The following TSPAN2 variants were observed in gnomAD, a reference collection of about 807,000 sequenced individuals.
The protein encoded by TSPAN2 is tetraspanin 2.
TSPAN2 carries 24 observed loss-of-function variants against 33.3 expected under a neutral mutation model. The ratio of observed to expected loss-of-function variants is 0.72; its 90% CI spans 0.52 to 1.01. The LOEUF (loss-of-function observed/expected upper bound fraction) is 1.01. Among genes scored for constraint, TSPAN2 ranks in the 50% least tolerant of loss-of-function variants. The pLI is 0.00. For missense variants in TSPAN2, 278 were observed against 281.3 expected (o/e 0.99, Z 0.08); for synonymous variants, 114 against 104.5 (o/e 1.09, Z -0.56).
chr1:115,053,349 C>A, intron 7 of TSPAN2, 30 bp downstream of exon 7: 1 of 1,597,796 alleles, frequency 6.3e-7, no homozygotes, highest in Non-Finnish European at 8.6e-7. Context: ...TTTTAGAGGG[C>A]AAAAAGGGTA....
chr1:115,051,246 C>T (rs1257243913), intron 7 of TSPAN2, among the ~76,000 whole-genome samples: 20 of 152,026 alleles, frequency 1.3e-4, no homozygotes, highest in Admixed American at 1.3e-3. Flanking sequence ...GAGGTCGAGG[C>T]TGCAGTGAGC....
intron 1 of TSPAN2, among the ~76,000 whole-genome samples, chr1:115,080,847 G>A (rs922372750): frequency 1.3e-4 from 20 of 152,164 alleles, no homozygotes; most frequent in African/African-American, 4.8e-4. Flanking sequence ...CCTGCCCTCT[G>A]CATATATAAT....
At chr1:115,064,831 T>G (rs7528261) in intron 2 of TSPAN2, among the ~76,000 whole-genome samples, 1 of 152,144 alleles carries the variant, frequency 6.6e-6, no homozygotes, top group South Asian at 2.1e-4. Flanking sequence ...CTGGAATATG[T>G]GAAAGAGGGA....
At chr1:115,053,903 C>A (rs1200247400) in intron 6 of TSPAN2, among the ~76,000 whole-genome samples, 1 of 152,126 alleles carries the variant, frequency 6.6e-6, no homozygotes, top group Admixed American at 6.5e-5. Flanking sequence ...TAGGCATGAC[C>A]TATTAAGAAA....
intron 1 of TSPAN2, among the ~76,000 whole-genome samples, chr1:115,076,248 T>G (rs919792349): frequency 6.6e-6 from 1 of 152,190 alleles, no homozygotes; most frequent in Admixed American, 6.5e-5. Context: ...GTTCATTTCC[T>G]TACCTCGATG....
chr1:115,088,039 A>G (rs891691146), intron 1 of TSPAN2, among the ~76,000 whole-genome samples: 1 of 152,216 alleles, frequency 6.6e-6, no homozygotes, highest in East Asian at 1.9e-4. Context: ...TAAAAAATAC[A>G]ACATAAAGGG....
chr1:115,072,967 C>A lies in TSPAN2; in HGVS notation c.110G>T (p.Arg37Leu), dbSNP rs760403770. 5 of 1,614,044 alleles carry A rather than the reference C, an allele frequency of 3.1e-6. No homozygotes were observed. The South Asian group carries it at 3.3e-5, about 11-fold the overall frequency. ...TAACTCCTTTATGGCACCTCCGAAC[C>A]GAAACCATAGTCCAAAAGCAATGAC... The part of the protein sequence containing the change: ...SAVIAFGLWF[R>L]FGGAIKELSS... Residue 37 changes from arginine (R) to leucine (L), a missense_variant, in exon 2 of 8, where the codon CGG becomes CTG. Arg to Leu is a moderately radical substitution (Grantham distance 102). Transcript: ENST00000369516.
intron 7 of TSPAN2, among the ~76,000 whole-genome samples, chr1:115,052,338 G>T (rs898985071): frequency 5.3e-5 from 8 of 152,144 alleles, no homozygotes; most frequent in African/African-American, 1.9e-4. Flanking sequence ...CTTAGTTTAG[G>T]CCATGAATTA....
At chr1:115,084,376 A>G (rs575822309) in intron 1 of TSPAN2, among the ~76,000 whole-genome samples, 17 of 152,306 alleles carry the variant, frequency 1.1e-4, no homozygotes, top group African/African-American at 3.8e-4. Context: ...GCAGGAATAG[A>G]GTCAGGCAGT....
At chr1:115,073,055 G>T in intron 1 of TSPAN2, 48 bp from the exon 2 acceptor site, 1 of 1,520,064 alleles carries the variant, frequency 6.6e-7, no homozygotes, top group Non-Finnish European at 9.1e-7. Context: ...GAAAGAGCAT[G>T]CACAGATCCG....
At chr1:115,076,183 G>C (rs1648403758) in intron 1 of TSPAN2, among the ~76,000 whole-genome samples, 1 of 152,136 alleles carries the variant, frequency 6.6e-6, no homozygotes, top group Non-Finnish European at 1.5e-5. Flanking sequence ...GAAGTCACTG[G>C]GCAAGGAACG....
In TSPAN2 at chr1:115,060,469, C is replaced by T; in HGVS notation, c.340G>A (p.Gly114Arg). 1 of 1,612,080 alleles carries T rather than the reference C, an allele frequency of 6.2e-7. No individual in the cohort carries two copies. The highest frequency in any genetic ancestry group is 8.5e-7 in the Non-Finnish European group (1 of 1,178,680). Reference protein sequence around the residue: ...TTGVFAFIGKGVAIRHVQTMY... With the variant: ...TTGVFAFIGKRVAIRHVQTMY... ...TTATAAGTAATTTTACTTACTACCCCCTTGCCTATAAAAGCAAATACTCCA... is the reference window on the plus strand; with the variant it reads ...TTATAAGTAATTTTACTTACTACCCTCTTGCCTATAAAAGCAAATACTCCA... Residue 114 changes from glycine to arginine, a missense_variant, in exon 4 of 8, where the codon GGG (glycine) becomes AGG (arginine). Coordinates refer to ENST00000369516, the MANE Select transcript of TSPAN2 (RefSeq NM_005725.6).
chr1:115,084,216 T>C (rs1648744725), intron 1 of TSPAN2, among the ~76,000 whole-genome samples: 1 of 152,240 alleles, frequency 6.6e-6, no homozygotes, highest in Non-Finnish European at 1.5e-5. Context: ...GCATGAACCA[T>C]ACTTATAACC....
Position 115,049,493 on chromosome 1 carries a change from A to G in TSPAN2, c.*997T>C, listed in dbSNP as rs1675251447. 1.3e-5 allele frequency: 2 copies of G among 152,588 alleles called. No homozygotes were observed. Among genetic ancestry groups the G allele is most frequent in the Admixed American group, 1.3e-4 (2 of 15,282 alleles). 9.5% of individuals were successfully genotyped at this position (152,588 alleles called of 1,614,324 possible). A position where few individuals can be genotyped will look rare whatever the true frequency, so the allele number is the denominator to read the frequency against. ...CAAGAAAAATACAAAAAGTTAGGAA[A>G]ACATGTAAACGTAAGTTATGAGGTA... is the stretch of plus-strand genomic sequence containing the variant. On this transcript the variant is annotated 3_prime_UTR_variant, in exon 8 of 8. Transcript: ENST00000369516.
At chr1:115,087,439 TC>T (rs1648882060) in intron 1 of TSPAN2, among the ~76,000 whole-genome samples, 1 of 151,152 alleles carries the variant, frequency 6.6e-6, no homozygotes, top group South Asian at 2.1e-4. Flanking sequence ...CACGGTAAAA[TC>T]CCGTCTGTAC....
intron 4 of TSPAN2, 119 bp from the exon 5 acceptor site, chr1:115,059,100 T>C (rs935724126): frequency 6.3e-6 from 5 of 792,678 alleles, no homozygotes; most frequent in Middle Eastern, 2.7e-4. Context: ...CTCATAAGAA[T>C]GATACAATGG....
At chr1:115,071,519 A>T (rs890343551) in intron 2 of TSPAN2, among the ~76,000 whole-genome samples, 3 of 152,122 alleles carry the variant, frequency 2.0e-5, no homozygotes, top group Non-Finnish European at 4.4e-5. Flanking sequence ...CCATCTCCAG[A>T]CTTCTTTTAC....
chr1:115,065,556 G>A (rs983243751), intron 2 of TSPAN2, among the ~76,000 whole-genome samples: 1 of 152,150 alleles, frequency 6.6e-6, no homozygotes, highest in Admixed American at 6.5e-5. Flanking sequence ...GCTACCACAA[G>A]TACTTTCCCT....
intron 3 of TSPAN2, among the ~76,000 whole-genome samples, chr1:115,060,963 G>A (rs560178822): frequency 4.6e-5 from 7 of 152,158 alleles, no homozygotes; most frequent in Non-Finnish European, 8.8e-5. Context: ...TCACTGATGC[G>A]GCCTGGGCAT....
Sources: gnomAD v4.1 joint callset for allele counts (sites outside exome capture counted in the v4.1 genomes callset) on GRCh38, gnomAD v4.1.1 for gene constraint, MANE v1.5 for transcripts, NCBI Gene and HGNC (gene_info 2026-07-23, HGNC 2026-07-21) for gene names.